Variants in RABGAP1L observed in about 807,000 individuals in gnomAD.
The protein encoded by RABGAP1L is RAB GTPase activating protein 1 like, also known as rab GTPase-activating protein 1-like.
RABGAP1L carries 63 observed loss-of-function variants against 137.7 expected under a neutral mutation model. That is an observed-to-expected ratio of 0.46 (90% CI 0.37 to 0.56). RABGAP1L has a LOEUF of 0.56. Ranked by LOEUF, RABGAP1L falls within the 20% of genes least tolerant of loss-of-function variation. RABGAP1L has a pLI of 0.00. For synonymous variants in RABGAP1L, 431 were observed against 433.7 expected (o/e 0.99, Z 0.08); for missense variants, 1,095 against 1,244.0 (o/e 0.88, Z 1.80).
intron 10 of RABGAP1L, among the ~76,000 whole-genome samples, chr1:174,296,555 T>G (rs1677144249): frequency 6.6e-6 from 1 of 152,210 alleles, no homozygotes; most frequent in African/African-American, 2.4e-5. Flanking sequence ...CTTCGGCAGA[T>G]TTGGTGTAAT....
chr1:174,889,034 T>C (rs931539812), intron 19 of RABGAP1L, among the ~76,000 whole-genome samples: 6 of 152,214 alleles, frequency 3.9e-5, no homozygotes, highest in Admixed American at 2.6e-4. Flanking sequence ...GTTCTTATGA[T>C]TGTGGAATCA....
chr1:174,545,116 C>G (rs913948814), intron 13 of RABGAP1L: 3 of 152,708 alleles, frequency 2.0e-5, no homozygotes, highest in Admixed American at 2.0e-4. Context: ...GGGAGAACCA[C>G]TACTCTCTTC....
intron 24 of RABGAP1L, among the ~76,000 whole-genome samples, chr1:174,988,274 T>C (rs1283069477): frequency 6.6e-6 from 1 of 152,228 alleles, no homozygotes; most frequent in African/African-American, 2.4e-5. Context: ...AGGATGATGA[T>C]AGTGCTTACT....
intron 19 of RABGAP1L, among the ~76,000 whole-genome samples, chr1:174,815,858 T>G (rs1156325810): frequency 6.6e-6 from 1 of 152,220 alleles, no homozygotes; most frequent in Non-Finnish European, 1.5e-5. Flanking sequence ...AGAAAACATA[T>G]TGACCCATCA....
Position 174,550,919 on chromosome 1 carries a change from C to T in RABGAP1L, c.1711-86456C>T, listed in dbSNP as rs1362846496. Reference sequence around the variant, plus strand: ...ATACACACACACATATACACACACACACATATATATATACACATATATATA... The same window carrying T: ...ATACACACACACATATACACACACATACATATATATATACACATATATATA... On this transcript the variant is annotated intron_variant, in intron 13 of 25. Transcript: ENST00000681986. 1.2e-3 allele frequency among the ~76,000 whole-genome samples: 137 copies of T among 110,380 alleles called. 7 individuals carry two copies. Among genetic ancestry groups the T allele is most frequent in the African/African-American group, 4.7e-3 (98 of 20,926 alleles). The allele number at this position is 110,380 out of a possible 152,430, so 72.4% of individuals were successfully genotyped here.
chr1:174,489,249 G>A (rs1323273525), intron 13 of RABGAP1L, among the ~76,000 whole-genome samples: 3 of 152,162 alleles, frequency 2.0e-5, no homozygotes, highest in Admixed American at 6.5e-5. Context: ...GCAACCTACA[G>A]AATGGGAGAA....
At chr1:174,973,342 G>A (rs1022360725) in intron 21 of RABGAP1L, among the ~76,000 whole-genome samples, 7 of 151,722 alleles carry the variant, frequency 4.6e-5, no homozygotes, top group African/African-American at 1.2e-4. Flanking sequence ...AAATTCCTCG[G>A]GGAAGTGTTT....
At chr1:174,631,472 T>A (rs1298514741) in intron 13 of RABGAP1L, among the ~76,000 whole-genome samples, 2 of 87,760 alleles carry the variant, frequency 2.3e-5, no homozygotes, top group Non-Finnish European at 4.0e-5. Flanking sequence ...CTCATTGATC[T>A]GTCTAATGTT....
rs202075350 is a variant in RABGAP1L, at chr1:174,543,387, G to C, written c.1711-93988G>C. On this transcript the variant is annotated intron_variant, in intron 13 of 25. Coordinates refer to ENST00000681986, the MANE Select transcript of RABGAP1L (RefSeq NM_001366446.1). ...CTCTTTTGATCTTTGTTGGTTTAAA[G>C]TCTGTTTTATCAGAGACTAGGATTG... Among the ~76,000 whole-genome samples, 11 of 152,226 alleles carry C rather than the reference G, an allele frequency of 7.2e-5. No individual in the cohort carries two copies. The East Asian group carries it at 2.1e-3, about 29-fold the overall frequency.
At chr1:174,602,729 G>T (rs1248812798) in intron 13 of RABGAP1L, among the ~76,000 whole-genome samples, 1 of 152,010 alleles carries the variant, frequency 6.6e-6, no homozygotes, top group African/African-American at 2.4e-5. Context: ...ACTATTGAGA[G>T]ACTGATACAT....
At chr1:174,988,292 T>C (rs752442114) in intron 24 of RABGAP1L, among the ~76,000 whole-genome samples, 2 of 152,220 alleles carry the variant, frequency 1.3e-5, no homozygotes, top group Non-Finnish European at 2.9e-5. Context: ...ACTTATACAG[T>C]TGCTCTAGGA....
intron 13 of RABGAP1L, among the ~76,000 whole-genome samples, chr1:174,438,811 G>A (rs938548804): frequency 2.3e-5 from 3 of 129,452 alleles, no homozygotes; most frequent in Non-Finnish European, 4.8e-5. Flanking sequence ...ACATTTTATA[G>A]TTTTCAGAGT....
chr1:174,191,486 C>T (rs926273484), intron 1 of RABGAP1L, among the ~76,000 whole-genome samples: 9 of 152,194 alleles, frequency 5.9e-5, no homozygotes, highest in Admixed American at 5.2e-4. Context: ...CATTGCATTA[C>T]TTTTCTCCCT....
intron 13 of RABGAP1L, among the ~76,000 whole-genome samples, chr1:174,490,018 A>G (rs1043661259): frequency 6.6e-6 from 1 of 152,100 alleles, no homozygotes; most frequent in Non-Finnish European, 1.5e-5. Context: ...GTGTTTTCTC[A>G]AAACAGGTAT....
intron 13 of RABGAP1L, among the ~76,000 whole-genome samples, chr1:174,417,223 AATACGT>A (rs1473583337): frequency 6.6e-6 from 1 of 152,150 alleles, no homozygotes. Flanking sequence ...ATGGACACAT[AATACGT>A]ATACTCTGAG....
chr1:174,162,349 T>C (rs1366244077), intron 1 of RABGAP1L, among the ~76,000 whole-genome samples: 1 of 152,200 alleles, frequency 6.6e-6, no homozygotes, highest in Non-Finnish European at 1.5e-5. Flanking sequence ...TGATACAGCA[T>C]TGAAGCAGAA....
chr1:174,542,382 A>G (rs1393575907), intron 13 of RABGAP1L, among the ~76,000 whole-genome samples: 4 of 152,042 alleles, frequency 2.6e-5, no homozygotes, highest in African/African-American at 9.7e-5. Context: ...TATTTGCGTA[A>G]AAGTGTTTAT....
intron 14 of RABGAP1L, among the ~76,000 whole-genome samples, chr1:174,661,658 C>A (rs1466928531): frequency 6.6e-6 from 1 of 151,942 alleles, no homozygotes; most frequent in East Asian, 1.9e-4. Flanking sequence ...GCAATAAACT[C>A]TTTTGGTTTA....
chr1:174,270,943 A>T (rs1303964873), intron 7 of RABGAP1L, among the ~76,000 whole-genome samples: 1 of 152,198 alleles, frequency 6.6e-6, no homozygotes, highest in Admixed American at 6.5e-5. Flanking sequence ...ATTTCTAAAA[A>T]AGAATTAAAT....
Sources: allele counts gnomAD v4.1 joint callset (sites outside exome capture counted in the v4.1 genomes callset), GRCh38; gene constraint gnomAD v4.1.1; transcripts MANE v1.5; gene names NCBI Gene and HGNC (gene_info 2026-07-23, HGNC 2026-07-21).